The following NOL8 variants were observed in gnomAD, a reference collection of about 807,000 sequenced individuals.
NOL8 encodes the protein nucleolar protein 8.
In NOL8, 93 loss-of-function variants were observed where a neutral mutation model predicts 116.1. The observed-to-expected ratio is 0.80, with a 90% CI of 0.68 to 0.95. The LOEUF (loss-of-function observed/expected upper bound fraction) is 0.95, where lower values mean the gene tolerates loss of function less well. Ranked by LOEUF, NOL8 falls within the 40% of genes least tolerant of loss-of-function variation. The probability of loss-of-function intolerance (pLI) is 0.00; values close to 1 mark genes in which losing one functional copy is unlikely to be tolerated. For missense variants in NOL8, 1,291 were observed against 1,382.8 expected, an observed-to-expected ratio of 0.93 and a Z score of 1.05; for synonymous variants, 419 against 469.0, an observed-to-expected ratio of 0.89 and a Z score of 1.38.
In NOL8 at chr9:92,297,797, G is replaced by C. The variant is rs1041674914; in HGVS notation, c.*39C>G. On this transcript the variant is annotated 3_prime_UTR_variant, in exon 17 of 17. Coordinates refer to ENST00000442668, the MANE Select transcript of NOL8 (RefSeq NM_017948.6). ...TTTCTGGGTCAGTTTCCTTAGGTGA[G>C]CCTTGTTCACATTCAGTATCAAAAC... is the stretch of plus-strand genomic sequence containing the variant. The C allele has an allele frequency of 2.0e-6, 3 of 1,484,966 alleles. No homozygotes were observed. The highest frequency in any genetic ancestry group is 2.7e-6 in the Non-Finnish European group (3 of 1,093,308). 92.0% of individuals were successfully genotyped at this position (1,484,966 alleles called of 1,614,324 possible). A position where few individuals can be genotyped will look rare whatever the true frequency, so the allele number is the denominator to read the frequency against.
Position 92,301,758 on chromosome 9 carries a change from A to G in NOL8, c.2968T>C (p.Tyr990His), listed in dbSNP as rs771433957. The G allele has an allele frequency of 7.5e-6, 12 of 1,601,744 alleles. No individual in the cohort carries two copies. The highest frequency in any genetic ancestry group is 1.3e-5 in the African/African-American group (1 of 74,456). Residue 990 changes from tyrosine to histidine, a missense_variant, in exon 13 of 17, where the codon TAT becomes CAT. Transcript: ENST00000442668. ...TTCAGATCCATAGCAATATTATAAT[A>G]CATTTCTTTAGACACCTCAGGTAGT... ...EKLPEVSKEM[Y>H]YNIAMDLKEI...
At chr9:92,311,096 G>C (rs1587973884) in intron 8 of NOL8, 50 bp downstream of exon 8, 1 of 1,385,992 alleles carries the variant, frequency 7.2e-7, no homozygotes, top group Non-Finnish European at 1.0e-6. Flanking sequence ...TTTGTGGTGT[G>C]GATCTGCAGA....
At chr9:92,323,530 AAAC>A in intron 2 of NOL8, 27 bp from the exon 3 acceptor site, 1 of 1,569,448 alleles carries the variant, frequency 6.4e-7, no homozygotes, top group Non-Finnish European at 8.6e-7. Context: ...CAAACAAACA[AAAC>A]AATTTATTTA....
chr9:92,313,537 C>A (rs957049312), intron 7 of NOL8, among the ~76,000 whole-genome samples: 1 of 152,148 alleles, frequency 6.6e-6, no homozygotes, highest in African/African-American at 2.4e-5. Flanking sequence ...GCTTAAAATT[C>A]TTCACTCTCT....
At position 92,315,469 on chromosome 9, in the gene NOL8, C is replaced by G; in HGVS notation, c.1156G>C (p.Ala386Pro). The G allele has an allele frequency of 6.2e-7, 1 of 1,601,800 alleles. No individual in the cohort carries two copies. The highest frequency in any genetic ancestry group is 8.5e-7 in the Non-Finnish European group (1 of 1,173,764). Residue 386 changes from alanine (A) to proline (P), a missense_variant, in exon 7 of 17, where the codon GCG becomes CCG. Physicochemically the swap from Ala to Pro is conservative, Grantham distance 27. Transcript: ENST00000442668. ...ACCTTAGCAACATTTTTTTTCATCG[C>G]AATAATTTCATCTGTATCTCCTGAG... ...YDSGDTDEII[A>P]MKKNVAKVKN... is the part of the protein sequence containing the mutation.
chr9:92,305,889 G>T, intron 11 of NOL8, 59 bp from the exon 12 acceptor site: 1 of 1,145,010 alleles, frequency 8.7e-7, no homozygotes, highest in Non-Finnish European at 1.3e-6. Flanking sequence ...AATACAAAAA[G>T]TAAGTAGCAA....
rs201007496 is a variant in NOL8 at position 92,314,787 on chromosome 9, A to G, written c.1838T>C (p.Met613Thr). ...MKHEDPSIIS[M>T]EDGSPYVNGS... ...ATTAACATATGGGGACCCATCTTCC[A>G]TGGATATGATACTGGGATCCTCATG... The change falls in exon 7 of 17, where the codon ATG (methionine) becomes ACG (threonine). Residue 613 changes from methionine to threonine, a missense_variant. Physicochemically the swap from Met to Thr is moderately conservative, Grantham distance 81. Coordinates refer to ENST00000442668, the MANE Select transcript of NOL8 (RefSeq NM_017948.6). 4 of 1,613,622 alleles carry G rather than the reference A, an allele frequency of 2.5e-6. No individual in the cohort carries two copies. The highest frequency in any genetic ancestry group is 3.4e-6 in the Non-Finnish European group (4 of 1,179,828).
At chr9:92,300,814 C>CAA (rs35912497) in intron 13 of NOL8, 1,623 of 874,978 alleles carry the variant, frequency 1.9e-3, no homozygotes, top group South Asian at 4.7e-3. Flanking sequence ...ACTCTGTCTC[C>CAA]AAAAAAAAAA....
chr9:92,312,501 G>A (rs1382762815), intron 7 of NOL8, among the ~76,000 whole-genome samples: 1 of 150,404 alleles, frequency 6.6e-6, no homozygotes, highest in Non-Finnish European at 1.5e-5. Flanking sequence ...TCTACTTGAG[G>A]GTGGAGGGTG....
At chr9:92,324,251 T>C (rs1840232894) in intron 1 of NOL8, 42 bp from the exon 2 acceptor site, 1 of 1,383,984 alleles carries the variant, frequency 7.2e-7, no homozygotes, top group East Asian at 2.3e-5. Context: ...TCTTCTAAAA[T>C]CTAACAAAAC....
chr9:92,314,292 A>T lies in NOL8; in HGVS notation c.2333T>A (p.Leu778Gln). Residue 778 changes from leucine to glutamine, a missense_variant, in exon 7 of 17, where the codon CTG (leucine) becomes CAG (glutamine). Transcript: ENST00000442668. ...CAAATTTGCCAGAGCATTATGCACC[A>T]GCTTCTTCTGCACTTCTTTTGCTTT... ...RQKAKEVQKKLVHNALANLDG... is the reference protein window; with the variant it reads ...RQKAKEVQKKQVHNALANLDG... 1 of 1,590,702 alleles carries T rather than the reference A, an allele frequency of 6.3e-7. No individual in the cohort carries two copies. Among genetic ancestry groups the T allele is most frequent in the South Asian group, 1.1e-5 (1 of 89,002 alleles).
intron 6 of NOL8, among the ~76,000 whole-genome samples, 173 bp from the exon 7 acceptor site, chr9:92,316,311 C>T (rs1357337457): frequency 6.6e-6 from 1 of 152,078 alleles, no homozygotes; most frequent in Non-Finnish European, 1.5e-5. Context: ...AGAAACTGAG[C>T]TTTCTATGAC....
rs1428211890 is a variant in NOL8 at position 92,314,835 on chromosome 9, T to C, written c.1790A>G (p.Asn597Ser). The part of the protein sequence containing the change: ...KSLKDSVASN[N>S]KDQNSMKHED... ...ATGTTTCATGGAATTCTGATCTTTA[T>C]TGTTAGAGGCAACACTGTCTTTCAA... is the stretch of plus-strand genomic sequence containing the variant. Residue 597 changes from asparagine (N) to serine (S), a missense_variant, in exon 7 of 17, where the codon AAT becomes AGT. Asn to Ser is a conservative substitution (Grantham distance 46). Coordinates refer to ENST00000442668, the MANE Select transcript of NOL8 (RefSeq NM_017948.6). 1 of 1,613,350 alleles carries C rather than the reference T, an allele frequency of 6.2e-7. No homozygotes were observed. Among genetic ancestry groups the C allele is most frequent in the Admixed American group, 1.7e-5 (1 of 59,962 alleles).
chr9:92,298,192 G>A (rs1837408533), intron 16 of NOL8, 65 bp downstream of exon 16: 1 of 1,244,788 alleles, frequency 8.0e-7, no homozygotes, highest in Non-Finnish European at 1.1e-6. Context: ...TTCCCTTCCA[G>A]GACTGTAATT....
At chr9:92,319,794 C>G in intron 4 of NOL8, 1 of 324,564 alleles carries the variant, frequency 3.1e-6, no homozygotes, top group African/African-American at 2.2e-5. Context: ...ATTGACCAGT[C>G]CCTTACCACC....
intron 12 of NOL8, among the ~76,000 whole-genome samples, chr9:92,304,781 TAGA>T (rs1838083276): frequency 6.6e-6 from 1 of 152,174 alleles, no homozygotes; most frequent in Admixed American, 6.5e-5. Context: ...TTGTCAAAAT[TAGA>T]AGATTAACAT....
At chr9:92,300,457 C>T (rs766734941) in intron 13 of NOL8, 388 of 987,852 alleles carry the variant, frequency 3.9e-4, no homozygotes, top group Non-Finnish European at 4.5e-4. Context: ...AAACTTTTTG[C>T]TAGAACTGCT....
At chr9:92,324,846 T>G (rs1840314364) in intron 1 of NOL8, 1 of 152,228 alleles carries the variant, frequency 6.6e-6, no homozygotes, top group Non-Finnish European at 1.5e-5. Context: ...CAAAGTAGTT[T>G]GCATGTTTCC....
intron 10 of NOL8, among the ~76,000 whole-genome samples, chr9:92,309,711 A>G (rs1838596253): frequency 6.6e-6 from 1 of 152,218 alleles, no homozygotes; most frequent in African/African-American, 2.4e-5. Context: ...ACTCTTAGAT[A>G]CATTCAAACA....
Sources: gnomAD v4.1 joint callset for allele counts (sites outside exome capture counted in the v4.1 genomes callset) on GRCh38, gnomAD v4.1.1 for gene constraint, MANE v1.5 for transcripts, NCBI Gene and HGNC (gene_info 2026-07-23, HGNC 2026-07-21) for gene names.